The following TFDP2 variants were observed in gnomAD, a reference collection of about 807,000 sequenced individuals.
TFDP2 encodes transcription factor Dp-2 (E2F dimerization partner 2).
A neutral mutation model predicts 59.3 loss-of-function variants in TFDP2; 17 were observed. The ratio of observed to expected loss-of-function variants is 0.29; its 90% CI spans 0.20 to 0.43. The LOEUF is 0.43. TFDP2 is among the 20% of genes least tolerant of loss of function. TFDP2 has a pLI of 1.00. For missense variants in TFDP2, 391 were observed against 528.8 expected, an observed-to-expected ratio of 0.74 and a Z score of 2.56; for synonymous variants, 180 against 194.7, an observed-to-expected ratio of 0.92 and a Z score of 0.63.
At chr3:141,970,592 G>C (rs1295216976) in intron 8 of TFDP2, among the ~76,000 whole-genome samples, 2 of 152,186 alleles carry the variant, frequency 1.3e-5, no homozygotes, top group Non-Finnish European at 2.9e-5. Flanking sequence ...AACTACCCAA[G>C]GTCACGCAGC....
intron 3 of TFDP2, among the ~76,000 whole-genome samples, chr3:142,021,810 T>C (rs1945630740): frequency 6.6e-6 from 1 of 152,228 alleles, no homozygotes; most frequent in Non-Finnish European, 1.5e-5. Context: ...ATTTAGTTCA[T>C]CAAACCTAAA....
Position 142,084,922 on chromosome 3 carries a change from T to C in TFDP2, c.82+8139A>G, listed in dbSNP as rs2060762596. Among the ~76,000 whole-genome samples, 5 of 152,172 alleles carry C rather than the reference T, an allele frequency of 3.3e-5. No individual in the cohort carries two copies. The South Asian group carries it at 1.0e-3, about 32-fold the overall frequency. On this transcript the variant is annotated intron_variant, in intron 3 of 12. Coordinates refer to ENST00000489671, the MANE Select transcript of TFDP2 (RefSeq NM_001178139.2). Reference sequence around the variant, plus strand: ...AAATAATATTTGATATTAGATTTTTTTATTTTTATTTTTTTTGAGACAGAG... The same window carrying C: ...AAATAATATTTGATATTAGATTTTTCTATTTTTATTTTTTTTGAGACAGAG...
chr3:141,970,198 C>A, intron 8 of TFDP2, 57 bp from the exon 9 acceptor site: 2 of 1,523,690 alleles, frequency 1.3e-6, no homozygotes, highest in South Asian at 2.2e-5. Flanking sequence ...AAATATCGTT[C>A]ACTTTCCAGG....
At chr3:142,011,590 TAAA>T (rs386398107) in intron 3 of TFDP2, among the ~76,000 whole-genome samples, 1 of 63,894 alleles carries the variant, frequency 1.6e-5, no homozygotes, top group Admixed American at 1.8e-4. Flanking sequence ...TAAAGTATAA[TAAA>T]AAAAAAAAGA....
chr3:142,086,738 GATTA>G (rs1352766531), intron 3 of TFDP2, among the ~76,000 whole-genome samples: 1 of 152,038 alleles, frequency 6.6e-6, no homozygotes, highest in Non-Finnish European at 1.5e-5. Context: ...ACAGAGGTAT[GATTA>G]ATTATTAACT....
chr3:142,016,207 T>C (rs989168583), intron 3 of TFDP2, among the ~76,000 whole-genome samples: 1 of 151,828 alleles, frequency 6.6e-6, no homozygotes, highest in Non-Finnish European at 1.5e-5. Context: ...TTCACTATGT[T>C]GGCCAGGCTG....
intron 11 of TFDP2, among the ~76,000 whole-genome samples, chr3:141,955,225 T>C (rs941995488): frequency 6.6e-6 from 1 of 152,142 alleles, no homozygotes; most frequent in Non-Finnish European, 1.5e-5. Flanking sequence ...ATCCACACAA[T>C]GGTTCTCACA....
chr3:142,080,311 T>C (rs1466873046), intron 3 of TFDP2, among the ~76,000 whole-genome samples: 1 of 152,068 alleles, frequency 6.6e-6, no homozygotes, highest in Non-Finnish European at 1.5e-5. Context: ...TTTGCAAGCC[T>C]CATAGTAACC....
At chr3:142,093,709 C>T (rs924578784) in intron 2 of TFDP2, among the ~76,000 whole-genome samples, 1 of 152,096 alleles carries the variant, frequency 6.6e-6, no homozygotes, top group Non-Finnish European at 1.5e-5. Flanking sequence ...CAAATAAAGA[C>T]CATTAATACC....
chr3:142,061,895 C>CT (rs781086612), intron 3 of TFDP2, among the ~76,000 whole-genome samples: 24,680 of 60,922 alleles, frequency 0.41, 2,522 homozygotes, highest in Admixed American at 0.44. Context: ...TCTCTACACA[C>CT]ACACACACAC....
rs982758265 is a variant in TFDP2 at position 141,963,747 on chromosome 3, T to C, written c.884+65A>G. On this transcript the variant is annotated intron_variant, in intron 10 of 12. Coordinates refer to ENST00000489671, the MANE Select transcript of TFDP2 (RefSeq NM_001178139.2). The stretch of plus-strand genomic sequence containing the variant: ...CTAATAAAGTGCATCCTTCTTGAGT[T>C]TGCAAATGATATGAAAATGTTAACA... 6 of 1,528,532 alleles carry C rather than the reference T, an allele frequency of 3.9e-6. No individual in the cohort carries two copies. The African/African-American group carries it at 6.9e-5, about 18-fold the overall frequency. The allele number at this position is 1,528,532 out of a possible 1,614,324, so 94.7% of individuals were successfully genotyped here. A position where few individuals can be genotyped will look rare whatever the true frequency, so the allele number is the denominator to read the frequency against.
chr3:141,973,123 A>ATATATATATT, intron 8 of TFDP2, among the ~76,000 whole-genome samples: 24 of 58,010 alleles, frequency 4.1e-4, no homozygotes, highest in South Asian at 2.3e-3. Flanking sequence ...ATATATATAT[A>ATATATATATT]TTTTTTTTTT....
chr3:141,973,357 G>A (rs1452964134), intron 8 of TFDP2, among the ~76,000 whole-genome samples: 6 of 151,852 alleles, frequency 4.0e-5, no homozygotes, highest in African/African-American at 1.5e-4. Context: ...GGGATTACAG[G>A]CGTGAGCCAC....
At position 142,043,215 on chromosome 3, in the gene TFDP2, T is replaced by A. The variant is rs558819254; in HGVS notation, c.83-37671A>T. On this transcript the variant is annotated intron_variant, in intron 3 of 12. Transcript: ENST00000489671. ...GCTCCTGCCACCACGCCCGGCTAAT[T>A]TTTTTGTATTTTTAGTAGAGACGGG... is the stretch of plus-strand genomic sequence containing the variant. Among the ~76,000 whole-genome samples, 5 of 149,910 alleles carry A rather than the reference T, an allele frequency of 3.3e-5. No homozygotes were observed. The East Asian group carries it at 1.0e-3, about 30-fold the overall frequency.
At chr3:142,024,478 C>T (rs1945906372) in intron 3 of TFDP2, among the ~76,000 whole-genome samples, 1 of 152,104 alleles carries the variant, frequency 6.6e-6, no homozygotes, top group Non-Finnish European at 1.5e-5. Context: ...AGGCATCAGG[C>T]ACATCTCCCC....
intron 3 of TFDP2, among the ~76,000 whole-genome samples, chr3:142,014,123 C>A (rs574867155): frequency 6.6e-6 from 1 of 152,100 alleles, no homozygotes; most frequent in Admixed American, 6.6e-5. Context: ...AACAAGCTAA[C>A]CTATTGCCCA....
At chr3:141,996,115 C>T (rs1452351067) in intron 4 of TFDP2, among the ~76,000 whole-genome samples, 1 of 151,982 alleles carries the variant, frequency 6.6e-6, no homozygotes, top group East Asian at 1.9e-4. Context: ...ATTAATGGAA[C>T]CCCTAAAGAC....
rs532559074 is a variant in TFDP2, at chr3:142,099,872, A to G, written c.15+1863T>C. On this transcript the variant is annotated intron_variant, in intron 2 of 12. Coordinates refer to ENST00000489671, the MANE Select transcript of TFDP2 (RefSeq NM_001178139.2). ...ATATTTAAGTTTATCACAATATCCT[A>G]TACCTCCCTAAGAATTCCTCTTCTA... 7.2e-5 allele frequency among the ~76,000 whole-genome samples: 11 copies of G among 152,220 alleles called. No individual in the cohort carries two copies. The East Asian group carries it at 2.1e-3, about 29-fold the overall frequency.
At chr3:142,108,310 A>C (rs1235243881) in intron 1 of TFDP2, among the ~76,000 whole-genome samples, 1 of 151,876 alleles carries the variant, frequency 6.6e-6, no homozygotes, top group Non-Finnish European at 1.5e-5. Context: ...CCCAGGTTCA[A>C]GCGATTCTTC....
Sources: allele counts gnomAD v4.1 joint callset (sites outside exome capture counted in the v4.1 genomes callset), GRCh38; gene constraint gnomAD v4.1.1; transcripts MANE v1.5; gene names NCBI Gene and HGNC (gene_info 2026-07-23, HGNC 2026-07-21).